Variants in CACNA1A observed in about 807,000 individuals in gnomAD.
The protein encoded by CACNA1A is calcium voltage-gated channel subunit alpha1 A, also known as voltage-dependent P/Q-type calcium channel subunit alpha-1A.
Under a neutral mutation model 262.4 loss-of-function variants are expected in CACNA1A, and 57 were observed. The observed-to-expected ratio is 0.22, with a 90% CI of 0.18 to 0.27. The LOEUF is 0.27. Ranked by LOEUF, CACNA1A falls within the 10% of genes least tolerant of loss-of-function variation. CACNA1A has a pLI of 1.00. For synonymous variants in CACNA1A, 1,431 were observed against 1,419.3 expected, an observed-to-expected ratio of 1.01 and a Z score of -0.18; for missense variants, 2,526 against 3,562.8, an observed-to-expected ratio of 0.71 and a Z score of 7.41.
chr19:13,326,420 A>G (rs1249230746), intron 10 of CACNA1A, among the ~76,000 whole-genome samples: 4 of 152,216 alleles, frequency 2.6e-5, no homozygotes, highest in African/African-American at 7.2e-5. Flanking sequence ...AAGTTCATCA[A>G]TTAGGAATGA....
At chr19:13,249,551 C>T (rs1314740780) in intron 30 of CACNA1A, among the ~76,000 whole-genome samples, 1 of 152,070 alleles carries the variant, frequency 6.6e-6, no homozygotes, top group Non-Finnish European at 1.5e-5. Flanking sequence ...GACAGAATCT[C>T]ACTATGTTGT....
At position 13,338,210 on chromosome 19, in the gene CACNA1A, G is replaced by A. The variant is rs7251201; in HGVS notation, c.979-2301C>T. Among the ~76,000 whole-genome samples, 724 of 151,124 alleles carry A rather than the reference G, an allele frequency of 4.8e-3. 5 individuals carry two copies. Among genetic ancestry groups the A allele is most frequent in the African/African-American group, 0.016 (666 of 41,054 alleles). On this transcript the variant is annotated intron_variant, in intron 6 of 46. Coordinates refer to ENST00000360228, the MANE Select transcript of CACNA1A (RefSeq NM_001127222.2). The stretch of plus-strand genomic sequence containing the variant: ...AGCCTGGGCAACAGAGCGAGACTTC[G>A]TCTCAAAAAAAAAAGAATCTAAAAA...
chr19:13,286,125 C>T (rs1483849699), intron 20 of CACNA1A, among the ~76,000 whole-genome samples: 1 of 152,008 alleles, frequency 6.6e-6, no homozygotes, highest in Admixed American at 6.6e-5. Flanking sequence ...TTTAAACTGA[C>T]ATTTGCATGT....
chr19:13,218,189 C>G (rs1290858206), intron 38 of CACNA1A, among the ~76,000 whole-genome samples: 2 of 151,578 alleles, frequency 1.3e-5, no homozygotes, highest in Non-Finnish European at 1.5e-5. Context: ...CTCCTAGTTT[C>G]AAGTGATTCT....
At chr19:13,271,856 C>G (rs1726679693) in intron 24 of CACNA1A, 1 of 151,374 alleles carries the variant, frequency 6.6e-6, no homozygotes, top group African/African-American at 2.4e-5. Flanking sequence ...CTCCACTTCC[C>G]AGGTTCAAGC....
rs556803884 is a variant in CACNA1A at position 13,330,929 on chromosome 19, ACAGTCCACCC to A, written c.1256-606_1256-597del. ...TAAGAAACCTCACTTTCTTATGAAAACAGTCCACCCCTTGACCTGTAGCATACTCGCTAGG... is the reference window on the plus strand; with the variant it reads ...TAAGAAACCTCACTTTCTTATGAAAACTTGACCTGTAGCATACTCGCTAGG... On this transcript the variant is annotated intron_variant, in intron 9 of 46. Transcript: ENST00000360228. 1.9e-4 allele frequency among the ~76,000 whole-genome samples: 29 copies of A among 152,126 alleles called. 2 individuals carry two copies. The East Asian group carries it at 5.6e-3, about 29-fold the overall frequency.
At chr19:13,216,420 C>G (rs2055012772) in intron 38 of CACNA1A, among the ~76,000 whole-genome samples, 1 of 110,018 alleles carries the variant, frequency 9.1e-6, no homozygotes, top group African/African-American at 3.9e-5. Context: ...TCACTGCAAC[C>G]TCCACCTTCA....
At chr19:13,220,914 C>T (rs959386044) in intron 38 of CACNA1A, among the ~76,000 whole-genome samples, 1 of 152,098 alleles carries the variant, frequency 6.6e-6, no homozygotes, top group African/African-American at 2.4e-5. Flanking sequence ...GTGTGAGCCA[C>T]TGCTCCCAAC....
At position 13,230,170 on chromosome 19, in the gene CACNA1A, CAA is replaced by C; in HGVS notation, c.5438_5439del (p.Phe1813Ter). On this transcript the variant is annotated frameshift_variant, in exon 36 of 47. Transcript: ENST00000360228. LOFTEE classifies it high-confidence loss of function. The part of the protein sequence containing the change: ...NLFVAVIMDN[F>X]EYLTRDSSIL... ...ATGGAGGAGTCTCGGGTGAGGTACT[CAA>C]AGTTGTCCATGATGACGGCGACAAA... is the stretch of plus-strand genomic sequence containing the variant. 1 of 1,613,768 alleles carries C rather than the reference CAA, an allele frequency of 6.2e-7. No individual in the cohort carries two copies. The highest frequency in any genetic ancestry group is 8.5e-7 in the Non-Finnish European group (1 of 1,179,858).
chr19:13,485,892 C>T (rs1165562809), intron 1 of CACNA1A, among the ~76,000 whole-genome samples: 1 of 152,130 alleles, frequency 6.6e-6, no homozygotes, highest in Non-Finnish European at 1.5e-5. Flanking sequence ...CCCCTGCAAG[C>T]GAGCAGCAGA....
intron 6 of CACNA1A, among the ~76,000 whole-genome samples, chr19:13,355,653 A>G (rs1430219872): frequency 1.3e-5 from 2 of 152,092 alleles, no homozygotes; most frequent in African/African-American, 2.4e-5. Flanking sequence ...GGGGTTGTCC[A>G]TGCAGGCCAG....
chr19:13,211,708 G>A (rs1194195129), intron 43 of CACNA1A: 1 of 243,892 alleles, frequency 4.1e-6, no homozygotes, highest in Non-Finnish European at 8.1e-6. Flanking sequence ...GTGCATGTAT[G>A]TTGAGCATGT....
At chr19:13,377,456 G>A (rs1351777458) in intron 3 of CACNA1A, among the ~76,000 whole-genome samples, 1 of 150,598 alleles carries the variant, frequency 6.6e-6, no homozygotes, top group Non-Finnish European at 1.5e-5. Context: ...GTCTTCAAGA[G>A]GGTTCAAGCA....
intron 3 of CACNA1A, among the ~76,000 whole-genome samples, chr19:13,443,366 C>T (rs2060758343): frequency 6.6e-6 from 1 of 151,782 alleles, no homozygotes; most frequent in Non-Finnish European, 1.5e-5. Flanking sequence ...TTTTTAGAGA[C>T]AGTCTTGCTC....
chr19:13,252,242 T>G (rs1364312871), intron 30 of CACNA1A, among the ~76,000 whole-genome samples: 1 of 145,362 alleles, frequency 6.9e-6, no homozygotes, highest in East Asian at 2.0e-4. Context: ...AAAAAAAAAT[T>G]TTTTTTTTTT....
At chr19:13,299,774 C>T (rs2057750696) in intron 18 of CACNA1A, among the ~76,000 whole-genome samples, 1 of 152,178 alleles carries the variant, frequency 6.6e-6, no homozygotes, top group Admixed American at 6.6e-5. Flanking sequence ...TCACCTCCTT[C>T]AGGCCATGTA....
At chr19:13,314,537 C>T (rs2058090080) in intron 11 of CACNA1A, among the ~76,000 whole-genome samples, 1 of 152,130 alleles carries the variant, frequency 6.6e-6, no homozygotes, top group African/African-American at 2.4e-5. Flanking sequence ...AGTGTTCCTC[C>T]CTTCCAGAGG....
intron 6 of CACNA1A, among the ~76,000 whole-genome samples, chr19:13,353,182 C>T (rs369966941): frequency 7.4e-4 from 112 of 152,094 alleles, no homozygotes; most frequent in South Asian, 5.6e-3. Flanking sequence ...GGCGTGATCA[C>T]GGCTTATTGC....
intron 12 of CACNA1A, among the ~76,000 whole-genome samples, chr19:13,310,053 T>A (rs1483172369): frequency 6.6e-6 from 1 of 152,206 alleles, no homozygotes; most frequent in Non-Finnish European, 1.5e-5. Flanking sequence ...GGACATTTCA[T>A]ACAAATGGAA....
Sources: allele counts gnomAD v4.1 joint callset (sites outside exome capture counted in the v4.1 genomes callset), GRCh38; gene constraint gnomAD v4.1.1; transcripts MANE v1.5; gene names NCBI Gene and HGNC (gene_info 2026-07-23, HGNC 2026-07-21).